PRKG1: variants seen among roughly 807,000 people sequenced by gnomAD.
PRKG1 encodes the protein cGMP-dependent protein kinase 1.
In PRKG1, 35 loss-of-function variants were observed where a neutral mutation model predicts 88.1. The ratio of observed to expected loss-of-function variants is 0.40; its 90% confidence interval spans 0.30 to 0.53. PRKG1 has a LOEUF of 0.53. Ranked by LOEUF, PRKG1 falls within the 20% of genes least tolerant of loss-of-function variation. The pLI is 0.59. For synonymous variants in PRKG1, 303 were observed against 292.5 expected, an observed-to-expected ratio of 1.04 and a Z score of -0.37; for missense variants, 540 against 839.8, an observed-to-expected ratio of 0.64 and a Z score of 4.41.
At chr10:51,773,617 A>G (rs528997037) in intron 3 of PRKG1, among the ~76,000 whole-genome samples, 19 of 152,210 alleles carry the variant, frequency 1.2e-4, no homozygotes, top group African/African-American at 4.1e-4. Flanking sequence ...CTTTCCTATA[A>G]AATTTAGCCT....
intron 2 of PRKG1, among the ~76,000 whole-genome samples, chr10:51,172,484 G>A (rs182541340): frequency 2.4e-4 from 37 of 152,076 alleles, no homozygotes; most frequent in Non-Finnish European, 7.4e-5. Context: ...GGAAAGCTTG[G>A]ATTTGTGCTA....
chr10:51,511,111 G>A (rs1380789986), intron 3 of PRKG1, among the ~76,000 whole-genome samples: 3 of 152,028 alleles, frequency 2.0e-5, no homozygotes, highest in Admixed American at 6.6e-5. Flanking sequence ...TTAAAAATGA[G>A]CTGAAATATA....
intron 1 of PRKG1, among the ~76,000 whole-genome samples, chr10:51,041,317 T>C (rs1325111659): frequency 2.0e-5 from 3 of 151,678 alleles, no homozygotes; most frequent in Non-Finnish European, 4.4e-5. Flanking sequence ...CTCTACCCCA[T>C]TGTATCTGAG....
intron 1 of PRKG1, among the ~76,000 whole-genome samples, chr10:51,028,776 A>G (rs1362657717): frequency 1.3e-5 from 2 of 152,168 alleles, no homozygotes; most frequent in Admixed American, 1.3e-4. Context: ...ATTTTTCTTT[A>G]GAAACATGTC....
intron 2 of PRKG1, among the ~76,000 whole-genome samples, chr10:51,260,802 A>T (rs1438640264): frequency 1.3e-5 from 2 of 152,184 alleles, no homozygotes; most frequent in Non-Finnish European, 2.9e-5. Context: ...TATGAATTTT[A>T]AAAAATGGTT....
At chr10:51,235,866 A>G (rs1185854282) in intron 2 of PRKG1, among the ~76,000 whole-genome samples, 1 of 152,226 alleles carries the variant, frequency 6.6e-6, no homozygotes, top group Non-Finnish European at 1.5e-5. Flanking sequence ...AATAAAAAAA[A>G]AGAGAGAACC....
chr10:51,934,198 C>A (rs1286482409), intron 5 of PRKG1, among the ~76,000 whole-genome samples: 13 of 151,418 alleles, frequency 8.6e-5, no homozygotes, highest in Admixed American at 1.3e-4. Flanking sequence ...TCAGAGTAAT[C>A]ATTGGAAAAG....
At chr10:51,357,614 A>G (rs1564460295) in intron 2 of PRKG1, among the ~76,000 whole-genome samples, 1 of 151,984 alleles carries the variant, frequency 6.6e-6, no homozygotes, top group African/African-American at 2.4e-5. Flanking sequence ...ATCAAGCCTT[A>G]TATGTTATGC....
intron 3 of PRKG1, among the ~76,000 whole-genome samples, chr10:51,630,785 A>G (rs1839506492): frequency 6.6e-6 from 1 of 152,184 alleles, no homozygotes; most frequent in Non-Finnish European, 1.5e-5. Context: ...CTCTCCTAAA[A>G]GTTCATGACA....
intron 3 of PRKG1, among the ~76,000 whole-genome samples, chr10:51,522,472 A>G (rs1424006017): frequency 6.6e-6 from 1 of 152,208 alleles, no homozygotes; most frequent in Non-Finnish European, 1.5e-5. Context: ...CAGTCTGGTG[A>G]GATAAGAATA....
At chr10:51,566,946 G>A (rs1837622049) in intron 3 of PRKG1, among the ~76,000 whole-genome samples, 1 of 151,346 alleles carries the variant, frequency 6.6e-6, no homozygotes, top group Non-Finnish European at 1.5e-5. Context: ...AAGAGAGAGA[G>A]AGAAAGAAAA....
intron 5 of PRKG1, among the ~76,000 whole-genome samples, chr10:51,946,729 A>G (rs1843045714): frequency 6.6e-6 from 1 of 152,104 alleles, no homozygotes; most frequent in African/African-American, 2.4e-5. Context: ...GGTCCACTCC[A>G]GACACTGTTT....
chr10:51,146,697 A>G (rs947295261), intron 1 of PRKG1, among the ~76,000 whole-genome samples: 4 of 151,982 alleles, frequency 2.6e-5, no homozygotes, highest in Non-Finnish European at 4.4e-5. Flanking sequence ...TAGTAGTTTT[A>G]TAGTTTGGGG....
chr10:51,526,264 T>C (rs959670321), intron 3 of PRKG1, among the ~76,000 whole-genome samples: 9 of 152,206 alleles, frequency 5.9e-5, no homozygotes, highest in Non-Finnish European at 7.3e-5. Context: ...TGTTAGATGT[T>C]GAATGATAAT....
chr10:51,921,634 T>G (rs1403388950), intron 5 of PRKG1, among the ~76,000 whole-genome samples: 2 of 152,140 alleles, frequency 1.3e-5, no homozygotes, highest in African/African-American at 4.8e-5. Context: ...GGGTGTTAAA[T>G]TTTGTGAAAT....
intron 4 of PRKG1, among the ~76,000 whole-genome samples, chr10:51,880,406 G>A (rs1226453179): frequency 6.6e-6 from 1 of 152,092 alleles, no homozygotes; most frequent in African/African-American, 2.4e-5. Context: ...AAGTCTACTG[G>A]CTCTGCTCTG....
intron 9 of PRKG1, among the ~76,000 whole-genome samples, chr10:52,183,950 C>T (rs931276540): frequency 2.0e-5 from 3 of 152,168 alleles, no homozygotes; most frequent in African/African-American, 7.2e-5. Flanking sequence ...GGGGGAAGTC[C>T]CTCCTGTCTC....
chr10:51,863,313 A>G (rs1373697036), intron 4 of PRKG1, among the ~76,000 whole-genome samples: 1 of 152,154 alleles, frequency 6.6e-6, no homozygotes, highest in African/African-American at 2.4e-5. Flanking sequence ...TTCTTAAGCA[A>G]TCTCTATCTT....
chr10:51,405,287 C>T (rs190950861), intron 2 of PRKG1, among the ~76,000 whole-genome samples: 1 of 152,316 alleles, frequency 6.6e-6, no homozygotes, highest in East Asian at 1.9e-4. Context: ...TGGGGACTGG[C>T]TGTACTTTAG....
Sources: gnomAD v4.1 joint callset for allele counts (sites outside exome capture counted in the v4.1 genomes callset) on GRCh38, gnomAD v4.1.1 for gene constraint, MANE v1.5 for transcripts, NCBI Gene and HGNC (gene_info 2026-07-23, HGNC 2026-07-21) for gene names.